The following TSPAN18 variants were observed in gnomAD, a reference collection of about 807,000 sequenced individuals.
TSPAN18 encodes the protein tetraspanin 18, also known as tetraspanin-18.
Under a neutral mutation model 27.3 loss-of-function variants are expected in TSPAN18, and 14 were observed. The ratio of observed to expected loss-of-function variants is 0.51; its 90% confidence interval spans 0.34 to 0.80. TSPAN18 has a LOEUF of 0.80. TSPAN18 is among the 30% of genes least tolerant of loss of function. The probability of loss-of-function intolerance (pLI) is 0.01; values close to 1 mark genes in which losing one functional copy is unlikely to be tolerated. For synonymous variants in TSPAN18, 143 were observed against 136.5 expected, an observed-to-expected ratio of 1.05 and a Z score of -0.33; for missense variants, 268 against 323.9, an observed-to-expected ratio of 0.83 and a Z score of 1.32.
At chr11:44,827,106 A>G (rs1167650044) in intron 2 of TSPAN18, among the ~76,000 whole-genome samples, 1 of 152,010 alleles carries the variant, frequency 6.6e-6, no homozygotes, top group Non-Finnish European at 1.5e-5. Flanking sequence ...GATCCCGCCA[A>G]CTCTGCCACT....
intron 2 of TSPAN18, among the ~76,000 whole-genome samples, chr11:44,804,306 C>G (rs900441932): frequency 1.3e-5 from 2 of 152,140 alleles, no homozygotes; most frequent in Non-Finnish European, 2.9e-5. Flanking sequence ...TTGGCCAGGC[C>G]GGTCTCGAAC....
At position 44,929,283 on chromosome 11, in the gene TSPAN18, T is replaced by C. The variant is rs1175461483; in HGVS notation, c.*105T>C. ...GTCCTCTTGGCCCCAGGGGAGAAGA[T>C]GAGGCCATCAGAGATGGCCAGGAGA... On this transcript the variant is annotated 3_prime_UTR_variant, in exon 10 of 10. Coordinates refer to ENST00000520358, the MANE Select transcript of TSPAN18 (RefSeq NM_130783.5). 37 of 1,438,542 alleles carry C rather than the reference T, an allele frequency of 2.6e-5. No homozygotes were observed. The highest frequency in any genetic ancestry group is 5.3e-5 in the Admixed American group (3 of 56,412). 89.1% of individuals were successfully genotyped at this position (1,438,542 alleles called of 1,614,324 possible). A position where few individuals can be genotyped will look rare whatever the true frequency, so the allele number is the denominator to read the frequency against.
chr11:44,903,284 A>T (rs1024890882), intron 3 of TSPAN18: 6 of 389,806 alleles, frequency 1.5e-5, no homozygotes, highest in African/African-American at 1.0e-4. Context: ...TGGGACTGGC[A>T]TAGTTGGAAA....
intron 2 of TSPAN18, among the ~76,000 whole-genome samples, chr11:44,801,413 G>GT (rs1214237779): frequency 1.3e-5 from 2 of 152,144 alleles, no homozygotes; most frequent in African/African-American, 2.4e-5. Flanking sequence ...GGAGCTTCCT[G>GT]TGTTTGCTTC....
intron 2 of TSPAN18, among the ~76,000 whole-genome samples, chr11:44,848,414 A>G (rs538327658): frequency 2.3e-4 from 35 of 152,252 alleles, no homozygotes; most frequent in Non-Finnish European, 3.4e-4. Flanking sequence ...CTTAGCGACC[A>G]CTGATGCTGC....
intron 2 of TSPAN18, among the ~76,000 whole-genome samples, chr11:44,785,030 C>T (rs570236987): frequency 3.6e-4 from 55 of 152,284 alleles, no homozygotes; most frequent in African/African-American, 1.2e-3. Context: ...TCCCTAACCA[C>T]GGTAATGAGA....
intron 8 of TSPAN18, among the ~76,000 whole-genome samples, chr11:44,923,526 G>T (rs779293962): frequency 3.9e-5 from 6 of 151,942 alleles, no homozygotes; most frequent in African/African-American, 7.3e-5. Flanking sequence ...GCTACAGCCA[G>T]GGCCTGGCCC....
intron 2 of TSPAN18, among the ~76,000 whole-genome samples, chr11:44,831,950 A>G (rs1160693259): frequency 6.6e-6 from 1 of 152,146 alleles, no homozygotes; most frequent in Non-Finnish European, 1.5e-5. Flanking sequence ...CAGAGGGTGA[A>G]CCAGCACCAT....
chr11:44,809,809 G>T (rs745889157), intron 2 of TSPAN18, among the ~76,000 whole-genome samples: 2 of 152,220 alleles, frequency 1.3e-5, no homozygotes, highest in African/African-American at 2.4e-5. Context: ...GAATAAGTGA[G>T]ATGCACAGTG....
intron 1 of TSPAN18, among the ~76,000 whole-genome samples, chr11:44,751,511 C>G (rs1281805642): frequency 6.6e-6 from 1 of 152,072 alleles, no homozygotes; most frequent in Non-Finnish European, 1.5e-5. Flanking sequence ...TTAGGAAGTG[C>G]CTGATGGAGT....
In TSPAN18 at chr11:44,727,089, G is replaced by GA. The variant is rs1232810135; in HGVS notation, c.-438_-437insA. On this transcript the variant is annotated 5_prime_UTR_variant, in exon 1 of 10. Coordinates refer to ENST00000520358, the MANE Select transcript of TSPAN18 (RefSeq NM_130783.5). ...CGGCCCCAGCCCCGGCCCCGGCCCC[G>GA]GCCCCGGCCCCGGCCCCGGTCCCGG... 7.5e-4 allele frequency: 1 copy of GA among 1,340 alleles called. No homozygotes were observed. Among genetic ancestry groups the GA allele is most frequent in the African/African-American group, 1.2e-3 (1 of 848 alleles). 0.1% of individuals were successfully genotyped at this position (1,340 alleles called of 1,614,324 possible). A position where few individuals can be genotyped will look rare whatever the true frequency, so the allele number is the denominator to read the frequency against.
intron 2 of TSPAN18, among the ~76,000 whole-genome samples, chr11:44,819,137 C>A (rs958933699): frequency 3.9e-5 from 6 of 152,196 alleles, no homozygotes; most frequent in African/African-American, 1.2e-4. Context: ...TCTGAGCCCC[C>A]TTCTGTCAAG....
At chr11:44,762,516 G>A (rs1590431610) in intron 1 of TSPAN18, among the ~76,000 whole-genome samples, 1 of 152,308 alleles carries the variant, frequency 6.6e-6, no homozygotes, top group Middle Eastern at 3.4e-3. Flanking sequence ...CTGTTAAACA[G>A]GATGGCTGGT....
At chr11:44,790,570 G>A (rs1856192402) in intron 2 of TSPAN18, among the ~76,000 whole-genome samples, 8 of 151,208 alleles carry the variant, frequency 5.3e-5, no homozygotes, top group Non-Finnish European at 1.0e-4. Flanking sequence ...GTTCGTGTGT[G>A]TGTGCATGTG....
At chr11:44,928,803 CTG>C (rs1312687147) in intron 9 of TSPAN18, among the ~76,000 whole-genome samples, 2 of 147,096 alleles carry the variant, frequency 1.4e-5, no homozygotes, top group Admixed American at 6.7e-5. Context: ...AAAAAAAAAA[CTG>C]TGCCTGGCAC....
intron 3 of TSPAN18, chr11:44,903,930 T>G (rs935711406): frequency 2.2e-6 from 1 of 453,392 alleles, no homozygotes; most frequent in African/African-American, 2.0e-5. Context: ...TCTCATGGGT[T>G]GTTATGAGTT....
At chr11:44,831,262 C>T (rs1857147921) in intron 2 of TSPAN18, among the ~76,000 whole-genome samples, 1 of 152,158 alleles carries the variant, frequency 6.6e-6, no homozygotes, top group Non-Finnish European at 1.5e-5. Flanking sequence ...TGAGGACCCC[C>T]ATCTGTTCCA....
chr11:44,833,166 A>G (rs1029068515), intron 2 of TSPAN18, among the ~76,000 whole-genome samples: 5 of 151,700 alleles, frequency 3.3e-5, no homozygotes, highest in African/African-American at 4.8e-5. Flanking sequence ...CCTGGACACA[A>G]TGGACAGGGC....
intron 2 of TSPAN18, among the ~76,000 whole-genome samples, chr11:44,828,229 A>G (rs1857083887): frequency 6.6e-6 from 1 of 152,122 alleles, no homozygotes; most frequent in Admixed American, 6.5e-5. Context: ...TGAAAAATCT[A>G]GCTTTGAAAT....
Sources: allele counts gnomAD v4.1 joint callset (sites outside exome capture counted in the v4.1 genomes callset), GRCh38; gene constraint gnomAD v4.1.1; transcripts MANE v1.5; gene names NCBI Gene and HGNC (gene_info 2026-07-23, HGNC 2026-07-21).